The following CPLANE1 variants were observed in gnomAD, a reference collection of about 807,000 sequenced individuals.
The protein encoded by CPLANE1 is ciliogenesis and planar polarity effector 1.
A neutral mutation model predicts 362.5 loss-of-function variants in CPLANE1; 263 were observed. The observed-to-expected ratio is 0.73, with a 90% confidence interval of 0.66 to 0.80. The LOEUF (loss-of-function observed/expected upper bound fraction) is 0.80, where lower values mean the gene tolerates loss of function less well. Ranked by LOEUF, CPLANE1 falls within the 30% of genes least tolerant of loss-of-function variation. CPLANE1 has a pLI of 0.00. For missense variants in CPLANE1, 3,461 were observed against 3,793.4 expected (o/e 0.91, Z 2.30); for synonymous variants, 1,212 against 1,302.6 (o/e 0.93, Z 1.50).
At chr5:37,220,863 A>G (rs1480024490) in intron 15 of CPLANE1, among the ~76,000 whole-genome samples, 1 of 152,232 alleles carries the variant, frequency 6.6e-6, no homozygotes, top group Non-Finnish European at 1.5e-5. Flanking sequence ...AATGATTTTT[A>G]TGATTTCACT....
intron 50 of CPLANE1, 34 bp from the exon 51 acceptor site, chr5:37,115,083 T>C (rs758080195): frequency 1.6e-6 from 2 of 1,287,616 alleles, no homozygotes; most frequent in South Asian, 1.2e-5. Context: ...TAGCCTTCCA[T>C]AGACATCCAT....
rs778541421 is a variant in CPLANE1, at chr5:37,162,496, T to A, written c.7659A>T (p.Gly2553=). 2 of 1,612,534 alleles carry A rather than the reference T, an allele frequency of 1.2e-6. No individual in the cohort carries two copies. Among genetic ancestry groups the A allele is most frequent in the South Asian group, 2.2e-5 (2 of 91,036 alleles). Residue 2553 remains glycine (G), a synonymous_variant, in exon 38 of 53, where the codon GGA becomes GGT. Transcript: ENST00000651892. ...CTGTATTTGTACTTGCATCTTGACTTCCTATAGCTTTCTTTTTTACAGAGG... is the reference window on the plus strand; with the variant it reads ...CTGTATTTGTACTTGCATCTTGACTACCTATAGCTTTCTTTTTTACAGAGG... ...FMASVKKKAI[G]SQDASTNTDP...
At chr5:37,171,196 A>G (rs1211070167) in intron 32 of CPLANE1, among the ~76,000 whole-genome samples, 1 of 152,228 alleles carries the variant, frequency 6.6e-6, no homozygotes. Context: ...ATTCATTAAG[A>G]TGACCAGGTT....
At chr5:37,121,973 G>A (rs1159537402) in intron 48 of CPLANE1, among the ~76,000 whole-genome samples, 189 bp from the exon 49 acceptor site, 2 of 150,952 alleles carry the variant, frequency 1.3e-5, no homozygotes, top group East Asian at 2.0e-4. Context: ...TCCGCCTCCC[G>A]AGTTCAAGCA....
chr5:37,227,567 C>T lies in CPLANE1; in HGVS notation c.1371+1G>A. 1 of 1,548,888 alleles carries T rather than the reference C, an allele frequency of 6.5e-7. No individual in the cohort carries two copies. The highest frequency in any genetic ancestry group is 2.0e-5 in the Admixed American group (1 of 50,426). On this transcript the variant is annotated splice_donor_variant, in intron 10 of 52. Transcript: ENST00000651892. LOFTEE classifies it high-confidence loss of function. ...CCCAATGATATAAAAAAGCACTATA[C>T]CTTAGACAATATCACACTTTGATAT... is the stretch of plus-strand genomic sequence containing the variant.
At chr5:37,219,519 C>T (rs182991458) in intron 15 of CPLANE1, among the ~76,000 whole-genome samples, 1 of 151,678 alleles carries the variant, frequency 6.6e-6, no homozygotes, top group East Asian at 1.9e-4. Flanking sequence ...CAGAGCAAGA[C>T]TCCATCTCAA....
intron 29 of CPLANE1, among the ~76,000 whole-genome samples, chr5:37,178,511 G>A (rs1306379469): frequency 6.6e-6 from 1 of 151,004 alleles, no homozygotes. Flanking sequence ...TACTTGGGAG[G>A]CTGAGGCAAG....
At chr5:37,110,121 CAT>C (rs1255993710) in intron 51 of CPLANE1, among the ~76,000 whole-genome samples, 2 of 152,184 alleles carry the variant, frequency 1.3e-5, no homozygotes, top group African/African-American at 4.8e-5. Flanking sequence ...TTTCTTTCCA[CAT>C]GTTCTAAAAC....
At chr5:37,192,415 T>C (rs1440444580) in intron 21 of CPLANE1, among the ~76,000 whole-genome samples, 2 of 152,194 alleles carry the variant, frequency 1.3e-5, no homozygotes, top group African/African-American at 2.4e-5. Context: ...TATGAGGCTA[T>C]TTTTGTCTAA....
At chr5:37,128,942 T>A (rs1477428769) in intron 46 of CPLANE1, among the ~76,000 whole-genome samples, 1 of 151,838 alleles carries the variant, frequency 6.6e-6, no homozygotes, top group Non-Finnish European at 1.5e-5. Context: ...AAAGAGCCTG[T>A]ACAGCCAAAG....
intron 44 of CPLANE1, chr5:37,140,336 C>G: frequency 1.0e-6 from 1 of 980,284 alleles, no homozygotes; most frequent in African/African-American, 1.7e-5. Context: ...TACCTGTTTT[C>G]TTGAAAACAT....
Position 37,183,407 on chromosome 5 carries a change from A to C in CPLANE1, c.4774T>G (p.Leu1592Val). The stretch of plus-strand genomic sequence containing the variant: ...AATGTTGTATGTACATCAAAAAGTA[A>C]AGAATTAAGTTCATGTTCTCTAAGC... ...GKLREHELNSLLFDVHTTLKR... is the reference protein window; with the variant it reads ...GKLREHELNSVLFDVHTTLKR... The change falls in exon 26 of 53, where the codon TTA becomes GTA. Residue 1592 changes from leucine (L) to valine (V), a missense_variant. Coordinates refer to ENST00000651892, the MANE Select transcript of CPLANE1 (RefSeq NM_001384732.1). 6.2e-7 allele frequency: 1 copy of C among 1,613,472 alleles called. No individual in the cohort carries two copies. The highest frequency in any genetic ancestry group is 1.1e-5 in the South Asian group (1 of 90,954).
In CPLANE1 at chr5:37,121,617, C is replaced by T. The variant is rs777181922; in HGVS notation, c.9185G>A (p.Gly3062Glu). The change falls in exon 49 of 53, where the codon GGA becomes GAA. Residue 3062 changes from glycine to glutamate, a missense_variant and splice_region_variant. Gly to Glu is a moderately conservative substitution (Grantham distance 98). Coordinates refer to ENST00000651892, the MANE Select transcript of CPLANE1 (RefSeq NM_001384732.1). ...SSCQHCPSPR[G>E]ENQHGHSFLI... is the part of the protein sequence containing the mutation. ...AATGGCATGTGAAACCTTGTCTTACCCTCTTGGAGAAGGGCAGTGTTGACA... is the reference window on the plus strand; with the variant it reads ...AATGGCATGTGAAACCTTGTCTTACTCTCTTGGAGAAGGGCAGTGTTGACA... 12 of 1,613,858 alleles carry T rather than the reference C, an allele frequency of 7.4e-6. No homozygotes were observed. In the South Asian group the frequency reaches 8.8e-5, roughly 12 times the overall value.
chr5:37,145,623 A>G (rs1341805074), intron 43 of CPLANE1, among the ~76,000 whole-genome samples: 1 of 152,172 alleles, frequency 6.6e-6, no homozygotes, highest in Non-Finnish European at 1.5e-5. Flanking sequence ...TCACCTATGA[A>G]TGTTAAAAAT....
intron 19 of CPLANE1, among the ~76,000 whole-genome samples, chr5:37,200,339 A>G (rs891673127): frequency 9.9e-5 from 15 of 152,212 alleles, no homozygotes; most frequent in African/African-American, 3.4e-4. Context: ...AACCACTCAA[A>G]CTACTCGAAC....
intron 41 of CPLANE1, among the ~76,000 whole-genome samples, chr5:37,156,654 T>A (rs1775193387): frequency 6.6e-6 from 1 of 152,090 alleles, no homozygotes. Flanking sequence ...ATTTTAAATA[T>A]ATATAGTCTT....
the CPLANE1 span, among the ~76,000 whole-genome samples, chr5:37,082,178 G>A: frequency 1.3e-5 from 2 of 151,842 alleles, no homozygotes; most frequent in Admixed American, 1.3e-4. Flanking sequence ...AGAAACAATG[G>A]GAGCAAGAAG....
chr5:37,160,104 T>C (rs1469840765), intron 38 of CPLANE1, among the ~76,000 whole-genome samples: 2 of 152,174 alleles, frequency 1.3e-5, no homozygotes, highest in Non-Finnish European at 2.9e-5. Flanking sequence ...AAATAATTAA[T>C]GTAATTTCAA....
intron 12 of CPLANE1, among the ~76,000 whole-genome samples, 165 bp from the exon 13 acceptor site, chr5:37,224,905 C>A (rs929291891): frequency 1.3e-5 from 2 of 150,784 alleles, no homozygotes; most frequent in African/African-American, 4.9e-5. Context: ...TTAAAAAATG[C>A]CTTATATAAA....
Sources: gnomAD v4.1 joint callset for allele counts (sites outside exome capture counted in the v4.1 genomes callset) on GRCh38, gnomAD v4.1.1 for gene constraint, MANE v1.5 for transcripts, NCBI Gene and HGNC (gene_info 2026-07-23, HGNC 2026-07-21) for gene names.